ACVR1: variants seen among roughly 807,000 people sequenced by gnomAD.
ACVR1 encodes activin A receptor type 1, also known as activin receptor type-1.
A neutral mutation model predicts 57.1 loss-of-function variants in ACVR1; 38 were observed. The observed-to-expected ratio is 0.67, with a 90% CI of 0.51 to 0.87. The LOEUF is 0.87. ACVR1 is among the 40% of genes least tolerant of loss of function. ACVR1 has a pLI of 0.00. For missense variants in ACVR1, 463 were observed against 638.2 expected, an observed-to-expected ratio of 0.73 and a Z score of 2.96; for synonymous variants, 212 against 228.1, an observed-to-expected ratio of 0.93 and a Z score of 0.63.
chr2:157,742,459 G>A (rs1036798150), intron 9 of ACVR1, among the ~76,000 whole-genome samples: 5 of 152,202 alleles, frequency 3.3e-5, no homozygotes, highest in African/African-American at 7.2e-5. Context: ...AAAGGGCCAC[G>A]AGAAAGAAAT....
chr2:157,807,619 T>G (rs1687597748), intron 2 of ACVR1, among the ~76,000 whole-genome samples: 1 of 151,770 alleles, frequency 6.6e-6, no homozygotes, highest in African/African-American at 2.4e-5. Flanking sequence ...CCCATAAAGC[T>G]CTTCTAGATA....
intron 4 of ACVR1, among the ~76,000 whole-genome samples, chr2:157,778,697 T>C (rs949742383): frequency 2.6e-5 from 4 of 152,222 alleles, no homozygotes; most frequent in Admixed American, 2.6e-4. Flanking sequence ...GTACTATCCT[T>C]AAGAGAAAGG....
chr2:157,830,999 A>G (rs1357698919), intron 1 of ACVR1, among the ~76,000 whole-genome samples: 2 of 152,180 alleles, frequency 1.3e-5, no homozygotes, highest in Non-Finnish European at 2.9e-5. Context: ...TGGCAGAAAC[A>G]TAACTCACTG....
chr2:157,779,358 A>G (rs560936976), intron 4 of ACVR1, among the ~76,000 whole-genome samples: 2 of 152,338 alleles, frequency 1.3e-5, no homozygotes, highest in South Asian at 4.1e-4. Flanking sequence ...TTAACCATGT[A>G]AATACTTGAT....
At chr2:157,748,088 A>G (rs182644937) in intron 9 of ACVR1, among the ~76,000 whole-genome samples, 1 of 152,292 alleles carries the variant, frequency 6.6e-6, no homozygotes, top group Admixed American at 6.5e-5. Flanking sequence ...CTACCAAGCA[A>G]GCCACCATTT....
At chr2:157,855,269 AGT>A (rs532193935) in intron 1 of ACVR1, among the ~76,000 whole-genome samples, 5,436 of 85,010 alleles carry the variant, frequency 0.064, 252 homozygotes, top group Non-Finnish European at 0.083. Context: ...AAAAAAAAAA[AGT>A]GTGTGTGTGT....
At chr2:157,855,308 G>GTGTATATATA (rs1307480066) in intron 1 of ACVR1, among the ~76,000 whole-genome samples, 28 of 51,660 alleles carry the variant, frequency 5.4e-4, no homozygotes, top group African/African-American at 1.5e-3. Context: ...GTGTGTGTGT[G>GTGTATATATA]TATATATATA....
At chr2:157,870,710 C>G (rs186189541) in intron 1 of ACVR1, among the ~76,000 whole-genome samples, 17 of 152,090 alleles carry the variant, frequency 1.1e-4, no homozygotes, top group Admixed American at 8.5e-4. Context: ...ATATTCTTCT[C>G]AAAAATGGAA....
At chr2:157,856,421 T>G (rs1689535990) in intron 1 of ACVR1, among the ~76,000 whole-genome samples, 1 of 152,218 alleles carries the variant, frequency 6.6e-6, no homozygotes, top group Non-Finnish European at 1.5e-5. Context: ...CCCCAAATCC[T>G]AGTGCCATAT....
intron 1 of ACVR1, among the ~76,000 whole-genome samples, chr2:157,866,947 C>A (rs1008345031): frequency 6.6e-6 from 1 of 152,146 alleles, no homozygotes; most frequent in Non-Finnish European, 1.5e-5. Flanking sequence ...TCTCACCAAT[C>A]ACCAGTACAA....
chr2:157,802,687 A>G (rs1687369566), intron 2 of ACVR1, among the ~76,000 whole-genome samples: 1 of 152,208 alleles, frequency 6.6e-6, no homozygotes, highest in African/African-American at 2.4e-5. Context: ...AAGCCTGTCT[A>G]AACCCTTAAG....
intron 2 of ACVR1, among the ~76,000 whole-genome samples, chr2:157,817,900 G>A (rs1292276701): frequency 6.6e-6 from 1 of 151,796 alleles, no homozygotes; most frequent in African/African-American, 2.4e-5. Flanking sequence ...TACTCAAGAG[G>A]CTGAGGCAGG....
chr2:157,738,695 C>G, intron 9 of ACVR1, 125 bp from the exon 10 acceptor site: 1 of 1,440,594 alleles, frequency 6.9e-7, no homozygotes, highest in Non-Finnish European at 9.7e-7. Context: ...CCTCATACCT[C>G]AGGGCAGTCC....
At chr2:157,805,074 C>A (rs1316809526) in intron 2 of ACVR1, among the ~76,000 whole-genome samples, 1 of 152,192 alleles carries the variant, frequency 6.6e-6, no homozygotes, top group Non-Finnish European at 1.5e-5. Context: ...CTATATGCAA[C>A]TTTCAGAACC....
At chr2:157,745,786 T>C (rs1684944834) in intron 9 of ACVR1, among the ~76,000 whole-genome samples, 2 of 152,184 alleles carry the variant, frequency 1.3e-5, no homozygotes, top group South Asian at 4.1e-4. Flanking sequence ...ACATGTTGGA[T>C]ATTGAGTTGC....
At chr2:157,852,325 C>A (rs2354934) in intron 1 of ACVR1, among the ~76,000 whole-genome samples, 91,761 of 151,596 alleles carry the variant, frequency 0.61, 32,075 homozygotes, top group Non-Finnish European at 0.77. Context: ...TGGCAAAACC[C>A]CATCTCTATA....
chr2:157,780,329 A>C lies in ACVR1; in HGVS notation c.331+8T>G, dbSNP rs756800760. 6 of 1,614,180 alleles carry C rather than the reference A, an allele frequency of 3.7e-6. No individual in the cohort carries two copies. Among genetic ancestry groups the C allele is most frequent in the Non-Finnish European group, 5.1e-6 (6 of 1,180,016 alleles). On this transcript the variant is annotated splice_region_variant and intron_variant, in intron 4 of 10. Transcript: ENST00000434821. Reference sequence around the variant, plus strand: ...CCTTGATCTAGAAATAGAAAAGTCCATGGGAACCTTTAGTGGGCAGCTGGG... The same window carrying C: ...CCTTGATCTAGAAATAGAAAAGTCCCTGGGAACCTTTAGTGGGCAGCTGGG...
intron 6 of ACVR1, among the ~76,000 whole-genome samples, chr2:157,772,251 TG>T (rs1223588307): frequency 6.6e-6 from 1 of 152,204 alleles, no homozygotes; most frequent in Non-Finnish European, 1.5e-5. Context: ...GCCCTGGCCA[TG>T]GAGCCCCACA....
intron 3 of ACVR1, among the ~76,000 whole-genome samples, chr2:157,785,755 A>T (rs1686690553): frequency 6.6e-6 from 1 of 152,242 alleles, no homozygotes; most frequent in Non-Finnish European, 1.5e-5. Context: ...CATTCAAAGA[A>T]GATTGCATAT....
Sources: allele counts gnomAD v4.1 joint callset (sites outside exome capture counted in the v4.1 genomes callset), GRCh38; gene constraint gnomAD v4.1.1; transcripts MANE v1.5; gene names NCBI Gene and HGNC (gene_info 2026-07-23, HGNC 2026-07-21).